The following OPCML variants were observed in gnomAD, a reference collection of about 807,000 sequenced individuals.
The protein encoded by OPCML is opioid binding protein/cell adhesion molecule like.
In OPCML, 13 loss-of-function variants were observed where a neutral mutation model predicts 37.8. That is an observed-to-expected ratio of 0.34 (90% CI 0.22 to 0.55). OPCML has a LOEUF of 0.55. OPCML is among the 20% of genes least tolerant of loss of function. The pLI, the probability that OPCML is intolerant of heterozygous loss-of-function variation, is 0.91. For missense variants in OPCML, 341 were observed against 435.6 expected (o/e 0.78, Z 1.93); for synonymous variants, 176 against 168.8 (o/e 1.04, Z -0.33).
rs189400666 is a variant in OPCML at position 132,465,854 on chromosome 11, C to T, written c.506-28495G>A. 2.4e-4 allele frequency among the ~76,000 whole-genome samples: 37 copies of T among 152,250 alleles called. No individual in the cohort carries two copies. In the East Asian group the frequency reaches 6.6e-3, roughly 27 times the overall value. On this transcript the variant is annotated intron_variant, in intron 4 of 7. Transcript: ENST00000524381. Reference sequence around the variant, plus strand: ...AATTCACTTTGAAGTCTTCCAGATGCGTTTTAAAAATAAAACCAAGTTCTT... The same window carrying T: ...AATTCACTTTGAAGTCTTCCAGATGTGTTTTAAAAATAAAACCAAGTTCTT...
intron 1 of OPCML, among the ~76,000 whole-genome samples, chr11:133,262,549 A>G (rs1282907851): frequency 6.6e-6 from 1 of 152,164 alleles, no homozygotes; most frequent in Non-Finnish European, 1.5e-5. Context: ...TTGTCATTAC[A>G]CCTAAAATCA....
chr11:133,220,913 C>T (rs948132988), intron 1 of OPCML, among the ~76,000 whole-genome samples: 1 of 152,192 alleles, frequency 6.6e-6, no homozygotes, highest in African/African-American at 2.4e-5. Context: ...CCCCAGGCCT[C>T]AGTGGTGCGT....
intron 1 of OPCML, among the ~76,000 whole-genome samples, chr11:133,335,232 C>A (rs1180432477): frequency 6.6e-6 from 1 of 152,204 alleles, no homozygotes; most frequent in East Asian, 1.9e-4. Flanking sequence ...TCTTACTCTT[C>A]ATTTTATAAT....
intron 3 of OPCML, among the ~76,000 whole-genome samples, chr11:132,627,040 A>C (rs1939790771): frequency 6.6e-6 from 1 of 152,112 alleles, no homozygotes; most frequent in African/African-American, 2.4e-5. Context: ...CTAGAAAGAT[A>C]AATAAGCAGA....
At chr11:132,577,105 T>C (rs2096452822) in intron 3 of OPCML, among the ~76,000 whole-genome samples, 1 of 152,208 alleles carries the variant, frequency 6.6e-6, no homozygotes, top group African/African-American at 2.4e-5. Flanking sequence ...CTTACAGCTT[T>C]AGTGAGTCTG....
chr11:132,590,085 C>G (rs1237325025), intron 3 of OPCML, among the ~76,000 whole-genome samples: 1 of 152,098 alleles, frequency 6.6e-6, no homozygotes, highest in Non-Finnish European at 1.5e-5. Flanking sequence ...TCCTCTTTGC[C>G]TCACAAATCA....
chr11:132,537,801 G>A (rs561092484), intron 3 of OPCML, among the ~76,000 whole-genome samples: 4 of 152,194 alleles, frequency 2.6e-5, no homozygotes, highest in African/African-American at 9.6e-5. Flanking sequence ...TCGCCAATAA[G>A]CACATAAGAA....
chr11:133,235,715 G>A (rs555579069), intron 1 of OPCML, among the ~76,000 whole-genome samples: 105 of 152,300 alleles, frequency 6.9e-4, no homozygotes, highest in African/African-American at 1.1e-3. Context: ...AGGGACCCCA[G>A]AAGAGCTTCC....
intron 1 of OPCML, chr11:133,007,562 C>T (rs973958668): frequency 2.0e-6 from 2 of 985,294 alleles, no homozygotes; most frequent in African/African-American, 1.7e-5. Flanking sequence ...GGTGTTTGAG[C>T]CTTCAGAGGT....
At chr11:132,529,316 G>T (rs1008745660) in intron 3 of OPCML, 130 bp from the exon 4 acceptor site, 68 of 1,161,564 alleles carry the variant, frequency 5.9e-5, no homozygotes, top group Admixed American at 2.3e-4. Flanking sequence ...ATTTCAAGTT[G>T]CTTGATTTGC....
At chr11:132,436,453 C>G (rs2096013342) in intron 6 of OPCML, 3 of 947,450 alleles carry the variant, frequency 3.2e-6, no homozygotes, top group Non-Finnish European at 3.8e-6. Flanking sequence ...GTCTCAGATT[C>G]AGAATCATGG....
At chr11:133,209,826 A>G (rs1939278431) in intron 1 of OPCML, among the ~76,000 whole-genome samples, 1 of 152,252 alleles carries the variant, frequency 6.6e-6, no homozygotes, top group African/African-American at 2.4e-5. Context: ...TGCATCAGGT[A>G]TGAGAAAACA....
chr11:133,411,127 C>A (rs1399134810), intron 1 of OPCML, among the ~76,000 whole-genome samples: 1 of 152,078 alleles, frequency 6.6e-6, no homozygotes, highest in Non-Finnish European at 1.5e-5. Flanking sequence ...GGGACCTAGA[C>A]AAAGACTTCA....
chr11:133,231,467 T>A (rs921572594), intron 1 of OPCML, among the ~76,000 whole-genome samples: 7 of 152,194 alleles, frequency 4.6e-5, no homozygotes, highest in Admixed American at 6.5e-5. Context: ...GGTGAAGATG[T>A]CACGTCTTGT....
Position 132,634,535 on chromosome 11 carries a change from A to C in OPCML, c.379+22552T>G, listed in dbSNP as rs143424932. 6.9e-3 allele frequency among the ~76,000 whole-genome samples: 1,057 copies of C among 152,306 alleles called. 8 individuals are homozygous for C. The highest frequency in any genetic ancestry group is 0.033 in the South Asian group (160 of 4,822). On this transcript the variant is annotated intron_variant, in intron 3 of 7. Transcript: ENST00000524381. Reference sequence around the variant, plus strand: ...CTCAGTAGTTACATGCTTCAAGGGAAGGGTCATACAGTGGACAGCTCAACA... The same window carrying C: ...CTCAGTAGTTACATGCTTCAAGGGACGGGTCATACAGTGGACAGCTCAACA...
At chr11:133,147,689 C>T (rs1206522638) in intron 1 of OPCML, among the ~76,000 whole-genome samples, 1 of 152,124 alleles carries the variant, frequency 6.6e-6, no homozygotes, top group African/African-American at 2.4e-5. Context: ...CTCCCCATCT[C>T]ACCACATCCC....
At chr11:133,514,243 C>A (rs1225121566) in intron 1 of OPCML, among the ~76,000 whole-genome samples, 1 of 152,214 alleles carries the variant, frequency 6.6e-6, no homozygotes, top group East Asian at 1.9e-4. Flanking sequence ...GTCACATAAC[C>A]TTCACACATG....
intron 4 of OPCML, among the ~76,000 whole-genome samples, chr11:132,522,211 T>C (rs753762474): frequency 1.3e-5 from 2 of 152,202 alleles, no homozygotes; most frequent in African/African-American, 4.8e-5. Flanking sequence ...TGTACCACAG[T>C]TTAACCATAT....
intron 2 of OPCML, among the ~76,000 whole-genome samples, chr11:132,837,107 G>C (rs539319796): frequency 2.5e-4 from 38 of 152,244 alleles, no homozygotes; most frequent in South Asian, 1.2e-3. Context: ...CTGAGGTCGG[G>C]AGTTCGAGAC....
Sources: gnomAD v4.1 joint callset for allele counts (sites outside exome capture counted in the v4.1 genomes callset) on GRCh38, gnomAD v4.1.1 for gene constraint, MANE v1.5 for transcripts, NCBI Gene and HGNC (gene_info 2026-07-23, HGNC 2026-07-21) for gene names.